The following PRKG1 variants were observed in gnomAD, a reference collection of about 807,000 sequenced individuals.
The protein encoded by PRKG1 is protein kinase cGMP-dependent 1.
Under a neutral mutation model 88.1 loss-of-function variants are expected in PRKG1, and 35 were observed. That is an observed-to-expected ratio of 0.40 (90% CI 0.30 to 0.53). The LOEUF is 0.53. Ranked by LOEUF, PRKG1 falls within the 20% of genes least tolerant of loss-of-function variation. The pLI, the probability that PRKG1 is intolerant of heterozygous loss-of-function variation, is 0.59. For missense variants in PRKG1, 540 were observed against 839.8 expected (o/e 0.64, Z 4.41); for synonymous variants, 303 against 292.5 (o/e 1.04, Z -0.37).
At chr10:51,089,224 A>G (rs1009561917) in intron 1 of PRKG1, among the ~76,000 whole-genome samples, 4 of 152,218 alleles carry the variant, frequency 2.6e-5, no homozygotes, top group African/African-American at 9.6e-5. Flanking sequence ...ACTCTGCAAC[A>G]TAAAATCTCA....
At chr10:52,135,788 T>A (rs1380458785) in intron 8 of PRKG1, among the ~76,000 whole-genome samples, 1 of 152,050 alleles carries the variant, frequency 6.6e-6, no homozygotes, top group Non-Finnish European at 1.5e-5. Flanking sequence ...GGACAGAAAC[T>A]CTTGTTAGAA....
At chr10:52,023,666 G>A (rs972923386) in intron 5 of PRKG1, among the ~76,000 whole-genome samples, 1 of 152,218 alleles carries the variant, frequency 6.6e-6, no homozygotes, top group Admixed American at 6.5e-5. Flanking sequence ...CTGATGGCCA[G>A]TGATGGCGAG....
chr10:51,981,982 C>G (rs1051771073), intron 5 of PRKG1, among the ~76,000 whole-genome samples: 6 of 152,146 alleles, frequency 3.9e-5, no homozygotes, highest in Non-Finnish European at 8.8e-5. Flanking sequence ...TTTCCATGAT[C>G]TCATATATCT....
intron 2 of PRKG1, among the ~76,000 whole-genome samples, chr10:51,153,563 T>TGTG (rs1846131118): frequency 6.6e-6 from 1 of 152,014 alleles, no homozygotes; most frequent in Non-Finnish European, 1.5e-5. Flanking sequence ...CATGGAAAAG[T>TGTG]TAAAAATGTG....
chr10:52,118,347 T>A (rs1003548104), intron 7 of PRKG1, among the ~76,000 whole-genome samples: 1 of 152,046 alleles, frequency 6.6e-6, no homozygotes, highest in African/African-American at 2.4e-5. Context: ...TAAATTTAGC[T>A]TTTGGATATT....
chr10:51,092,845 T>C (rs1321583734), intron 1 of PRKG1, among the ~76,000 whole-genome samples: 1 of 152,196 alleles, frequency 6.6e-6, no homozygotes, highest in Admixed American at 6.5e-5. Flanking sequence ...GATTTTTATA[T>C]TTAAATAAGT....
chr10:51,470,176 A>T (rs549185770), intron 3 of PRKG1, among the ~76,000 whole-genome samples: 1 of 151,846 alleles, frequency 6.6e-6, no homozygotes. Flanking sequence ...TATTCTTTAC[A>T]TGTGATAAAA....
intron 5 of PRKG1, among the ~76,000 whole-genome samples, chr10:52,003,367 A>C (rs2454538): frequency 0.59 from 90,281 of 152,036 alleles, 27,889 homozygotes; most frequent in Non-Finnish European, 0.68. Flanking sequence ...CATTATCCTC[A>C]AATTCCATTC....
At chr10:51,623,204 T>C (rs1460701279) in intron 3 of PRKG1, among the ~76,000 whole-genome samples, 1 of 152,224 alleles carries the variant, frequency 6.6e-6, no homozygotes, top group African/African-American at 2.4e-5. Context: ...TTCAGTTTTC[T>C]ATTTTTCATT....
chr10:51,835,507 C>G (rs1407903749), intron 4 of PRKG1, among the ~76,000 whole-genome samples: 2 of 152,156 alleles, frequency 1.3e-5, no homozygotes, highest in Non-Finnish European at 2.9e-5. Context: ...ACTTAGTACG[C>G]ACACAACAAA....
intron 4 of PRKG1, among the ~76,000 whole-genome samples, chr10:51,903,837 A>G (rs1313163563): frequency 6.6e-6 from 1 of 152,132 alleles, no homozygotes; most frequent in Non-Finnish European, 1.5e-5. Context: ...GGGATGTTTC[A>G]TCCTTTCTTC....
intron 1 of PRKG1, among the ~76,000 whole-genome samples, chr10:51,075,102 G>A (rs150310055): frequency 7.3e-4 from 111 of 152,314 alleles, no homozygotes; most frequent in African/African-American, 2.5e-3. Flanking sequence ...TTGCCTTCGT[G>A]TCTTTGTCAG....
chr10:51,881,547 T>C (rs1564690673), intron 4 of PRKG1, among the ~76,000 whole-genome samples: 1 of 152,158 alleles, frequency 6.6e-6, no homozygotes, highest in Non-Finnish European at 1.5e-5. Flanking sequence ...TCAAAAATGA[T>C]TGGAGCTGAT....
intron 5 of PRKG1, among the ~76,000 whole-genome samples, chr10:52,024,316 ACTTT>A (rs1364083066): frequency 7.6e-6 from 1 of 131,492 alleles, no homozygotes; most frequent in Non-Finnish European, 1.6e-5. Context: ...TATTTATTTA[ACTTT>A]TTTTTTTATT....
intron 7 of PRKG1, among the ~76,000 whole-genome samples, chr10:52,115,038 A>G (rs1847654921): frequency 6.6e-6 from 1 of 152,122 alleles, no homozygotes; most frequent in African/African-American, 2.4e-5. Flanking sequence ...GATGAGAGCA[A>G]ATGGGTGGTA....
chr10:51,413,714 AT>A (rs2132692991), intron 2 of PRKG1, among the ~76,000 whole-genome samples: 1 of 152,336 alleles, frequency 6.6e-6, no homozygotes, highest in East Asian at 1.9e-4. Context: ...TGTTGTTCAC[AT>A]TATTAAGAGA....
chr10:51,568,552 T>G (rs1837666756), intron 3 of PRKG1: 1 of 152,080 alleles, frequency 6.6e-6, no homozygotes, highest in Non-Finnish European at 1.5e-5. Flanking sequence ...ATTTTTCACC[T>G]GTAACCTTAG....
chr10:51,370,051 A>C (rs953094999), intron 2 of PRKG1, among the ~76,000 whole-genome samples: 1 of 152,072 alleles, frequency 6.6e-6, no homozygotes, highest in Admixed American at 6.6e-5. Flanking sequence ...TGATGATGAG[A>C]TGAGTAATTT....
At chr10:51,578,794 A>G (rs1406274444) in intron 3 of PRKG1, among the ~76,000 whole-genome samples, 1 of 152,026 alleles carries the variant, frequency 6.6e-6, no homozygotes, top group Non-Finnish European at 1.5e-5. Context: ...TACATTAATT[A>G]CAGTGATTTT....
Sources: allele counts gnomAD v4.1 joint callset (sites outside exome capture counted in the v4.1 genomes callset), GRCh38; gene constraint gnomAD v4.1.1; transcripts MANE v1.5; gene names NCBI Gene and HGNC (gene_info 2026-07-23, HGNC 2026-07-21).